The following NFYC variants were observed in gnomAD, a reference collection of about 807,000 sequenced individuals.
NFYC encodes the protein nuclear transcription factor Y subunit gamma.
A neutral mutation model predicts 53.1 loss-of-function variants in NFYC; 25 were observed. The ratio of observed to expected loss-of-function variants is 0.47; its 90% confidence interval spans 0.34 to 0.66. The LOEUF is 0.66. NFYC is among the 30% of genes least tolerant of loss of function. NFYC has a pLI of 0.01. For missense variants in NFYC, 260 were observed against 422.7 expected, an observed-to-expected ratio of 0.62 and a Z score of 3.38; for synonymous variants, 145 against 152.6, an observed-to-expected ratio of 0.95 and a Z score of 0.37.
At chr1:40,745,604 G>C (rs954497524) in intron 2 of NFYC, among the ~76,000 whole-genome samples, 1 of 152,010 alleles carries the variant, frequency 6.6e-6, no homozygotes, top group Admixed American at 6.5e-5. Flanking sequence ...TTGTTGTTCT[G>C]TCTGAATAAC....
intron 2 of NFYC, among the ~76,000 whole-genome samples, chr1:40,739,785 A>AT (rs1457924998): frequency 6.6e-6 from 1 of 152,204 alleles, no homozygotes; most frequent in East Asian, 1.9e-4. Flanking sequence ...ATAGTGCTTG[A>AT]TTCTTTCTGG....
At chr1:40,758,366 T>C (rs1395968425) in intron 6 of NFYC, 72 bp downstream of exon 6, 1 of 1,474,628 alleles carries the variant, frequency 6.8e-7, no homozygotes, top group Non-Finnish European at 9.1e-7. Flanking sequence ...CAGAGCTTGA[T>C]GAGGGCAGAG....
Position 40,738,855 on chromosome 1 carries a change from A to G in NFYC, c.12A>G (p.Glu4=). The G allele has an allele frequency of 6.2e-7, 1 of 1,613,970 alleles. No homozygotes were observed. The highest frequency in any genetic ancestry group is 8.5e-7 in the Non-Finnish European group (1 of 1,179,830). The change falls in exon 2 of 10, where the codon GAA becomes GAG. Residue 4 remains glutamate, a synonymous_variant. Coordinates refer to ENST00000447388, the MANE Select transcript of NFYC (RefSeq NM_014223.5). MST[E]GGFGGTSSSD... is the part of the protein sequence containing the mutation. ...TTTCAGTTGTCGAGATGTCCACAGA[A>G]GGAGGATTTGGTGGTACTAGCAGCA...
chr1:40,697,151 T>C (rs558328502), intron 1 of NFYC, among the ~76,000 whole-genome samples: 2 of 152,322 alleles, frequency 1.3e-5, no homozygotes, highest in Admixed American at 1.3e-4. Flanking sequence ...GTAGGGTAAT[T>C]ATGAGAAATG....
chr1:40,713,358 T>A (rs1345280422), intron 1 of NFYC, among the ~76,000 whole-genome samples: 2 of 152,272 alleles, frequency 1.3e-5, no homozygotes, highest in African/African-American at 4.8e-5. Flanking sequence ...ATACTGACTT[T>A]ACCAAATAAA....
At chr1:40,732,770 C>A (rs1165270075) in intron 1 of NFYC, among the ~76,000 whole-genome samples, 1 of 152,214 alleles carries the variant, frequency 6.6e-6, no homozygotes, top group African/African-American at 2.4e-5. Context: ...TTCCAGCCTT[C>A]AAGTCTGCCT....
chr1:40,741,396 G>A (rs769725998), intron 2 of NFYC, among the ~76,000 whole-genome samples: 3 of 152,118 alleles, frequency 2.0e-5, no homozygotes, highest in Non-Finnish European at 4.4e-5. Flanking sequence ...TAAGGTGGGC[G>A]AGGCTTAACT....
At position 40,770,314 on chromosome 1, in the gene NFYC, C is replaced by G; in HGVS notation, c.889-395C>G. 1 of 1,308,894 alleles carries G rather than the reference C, an allele frequency of 7.6e-7. No homozygotes were observed. Among genetic ancestry groups the G allele is most frequent in the Non-Finnish European group, 1.1e-6 (1 of 950,792 alleles). 81.1% of individuals were successfully genotyped at this position (1,308,894 alleles called of 1,614,324 possible). A position where few individuals can be genotyped will look rare whatever the true frequency, so the allele number is the denominator to read the frequency against. The stretch of plus-strand genomic sequence containing the variant: ...GGAGGGGGTAATCCTACTGCCCCTG[C>G]CAGTGTAGATTACCAAGAGTTGGGG... On this transcript the variant is annotated intron_variant, in intron 9 of 9. Coordinates refer to ENST00000447388, the MANE Select transcript of NFYC (RefSeq NM_014223.5). The surrounding 1 kb of genome is among the most constrained non-coding windows in gnomAD (Gnocchi z 5.3).
At chr1:40,707,441 C>A (rs1299102264) in intron 1 of NFYC, among the ~76,000 whole-genome samples, 1 of 149,596 alleles carries the variant, frequency 6.7e-6, no homozygotes, top group African/African-American at 2.5e-5. Flanking sequence ...GATCACGCCG[C>A]TGCACTCCAG....
chr1:40,748,524 T>C (rs1025674934), intron 3 of NFYC, among the ~76,000 whole-genome samples: 2 of 152,184 alleles, frequency 1.3e-5, no homozygotes, highest in Non-Finnish European at 2.9e-5. Flanking sequence ...TCTTACATAG[T>C]TTGTTGATCT....
intron 7 of NFYC, among the ~76,000 whole-genome samples, chr1:40,764,958 C>T (rs555118885): frequency 6.6e-6 from 1 of 152,256 alleles, no homozygotes; most frequent in Admixed American, 6.5e-5. Context: ...CTCTTCCCAG[C>T]TAGAAAATTT....
At chr1:40,732,199 T>G (rs549787336) in intron 1 of NFYC, among the ~76,000 whole-genome samples, 1 of 152,348 alleles carries the variant, frequency 6.6e-6, no homozygotes, top group African/African-American at 2.4e-5. Context: ...GGGTTTAGGC[T>G]ACTATAAAAG....
At chr1:40,731,602 A>G (rs1196838295) in intron 1 of NFYC, among the ~76,000 whole-genome samples, 1 of 152,078 alleles carries the variant, frequency 6.6e-6, no homozygotes, top group Non-Finnish European at 1.5e-5. Context: ...CCCCCGCCTC[A>G]GCCTCCTGAG....
chr1:40,752,401 G>A (rs1315113160), intron 4 of NFYC, among the ~76,000 whole-genome samples: 2 of 151,934 alleles, frequency 1.3e-5, no homozygotes, highest in Non-Finnish European at 2.9e-5. Context: ...ATAATATGTT[G>A]GGTTTTAGTA....
intron 6 of NFYC, among the ~76,000 whole-genome samples, chr1:40,759,815 C>T (rs868298478): frequency 9.9e-5 from 15 of 151,734 alleles, no homozygotes; most frequent in African/African-American, 3.6e-4. Flanking sequence ...TACAGGGGGC[C>T]GTAGGAAAGT....
At chr1:40,730,376 T>C (rs1644714794) in intron 1 of NFYC, among the ~76,000 whole-genome samples, 1 of 152,054 alleles carries the variant, frequency 6.6e-6, no homozygotes, top group Admixed American at 6.6e-5. Context: ...GACTGTTCTT[T>C]TACTTGAACG....
intron 1 of NFYC, among the ~76,000 whole-genome samples, chr1:40,737,127 CAAA>C (rs1161900883): frequency 0.011 from 1,002 of 88,754 alleles, 6 homozygotes; most frequent in African/African-American, 0.016. Context: ...AACTCTGTCT[CAAA>C]AAAAAAAAAA....
intron 2 of NFYC, among the ~76,000 whole-genome samples, chr1:40,744,211 A>G (rs1645493887): frequency 6.6e-6 from 1 of 152,224 alleles, no homozygotes; most frequent in Non-Finnish European, 1.5e-5. Context: ...GGATCTAGGT[A>G]GCACACTCCT....
chr1:40,692,356 G>C (rs1303336549), intron 1 of NFYC: 2 of 153,472 alleles, frequency 1.3e-5, no homozygotes, highest in Admixed American at 6.5e-5. Context: ...AGGTACTTTG[G>C]GGGTAGCTTA....
Sources: gnomAD v4.1 joint callset for allele counts (sites outside exome capture counted in the v4.1 genomes callset) on GRCh38, gnomAD v4.1.1 for gene constraint, Gnocchi (gnomAD v3.1) non-coding constraint, MANE v1.5 for transcripts, NCBI Gene and HGNC (gene_info 2026-07-23, HGNC 2026-07-21) for gene names.